Variants in EXOC6B observed in about 807,000 individuals in gnomAD.
EXOC6B encodes the protein SEC15 homolog B.
In EXOC6B, 54 loss-of-function variants were observed where a neutral mutation model predicts 113.5. The ratio of observed to expected loss-of-function variants is 0.48; its 90% CI spans 0.38 to 0.60. The LOEUF is 0.60. Ranked by LOEUF, EXOC6B falls within the 20% of genes least tolerant of loss-of-function variation. The probability of loss-of-function intolerance (pLI) is 0.00; values close to 1 mark genes in which losing one functional copy is unlikely to be tolerated. For synonymous variants in EXOC6B, 357 were observed against 339.0 expected (o/e 1.05, Z -0.58); for missense variants, 797 against 977.5 (o/e 0.82, Z 2.46).
chr2:72,487,770 G>A (rs1165979516), intron 16 of EXOC6B, among the ~76,000 whole-genome samples: 1 of 152,176 alleles, frequency 6.6e-6, no homozygotes. Flanking sequence ...TTTAGGGAGG[G>A]AGAACACAGA....
intron 20 of EXOC6B, among the ~76,000 whole-genome samples, chr2:72,242,676 A>C (rs1682389118): frequency 1.3e-5 from 2 of 152,232 alleles, no homozygotes; most frequent in Non-Finnish European, 2.9e-5. Flanking sequence ...AATGCCAATT[A>C]AAAGACAGAG....
chr2:72,512,693 G>A (rs1701004423), intron 11 of EXOC6B, among the ~76,000 whole-genome samples: 2 of 151,924 alleles, frequency 1.3e-5, no homozygotes, highest in Admixed American at 6.6e-5. Flanking sequence ...ATGGGCTCTA[G>A]AGTCAGACCA....
intron 1 of EXOC6B, among the ~76,000 whole-genome samples, chr2:72,786,089 G>T (rs1316349907): frequency 6.6e-6 from 1 of 152,134 alleles, no homozygotes; most frequent in African/African-American, 2.4e-5. Context: ...AAAAATTTAA[G>T]TAAGACATTC....
chr2:72,578,459 C>T (rs6546776), intron 6 of EXOC6B, among the ~76,000 whole-genome samples: 140,581 of 152,138 alleles, frequency 0.92, 65,042 homozygotes, highest in East Asian at 0.99. Flanking sequence ...TCCTTAGTTA[C>T]GCCATTTCTT....
intron 1 of EXOC6B, among the ~76,000 whole-genome samples, chr2:72,815,138 C>T (rs1257995824): frequency 6.6e-6 from 1 of 152,136 alleles, no homozygotes; most frequent in Non-Finnish European, 1.5e-5. Flanking sequence ...ACTCGTCATG[C>T]ATTTAAGCAA....
intron 18 of EXOC6B, among the ~76,000 whole-genome samples, chr2:72,389,778 T>A (rs1390677780): frequency 6.6e-6 from 1 of 152,228 alleles, no homozygotes; most frequent in African/African-American, 2.4e-5. Context: ...TCTCTGTATG[T>A]ACTATGTATT....
chr2:72,518,260 A>AT (rs1245973452), intron 8 of EXOC6B, among the ~76,000 whole-genome samples: 4 of 152,142 alleles, frequency 2.6e-5, no homozygotes, highest in Admixed American at 6.6e-5. Context: ...TAAAACTTGG[A>AT]TTTTTTCCTA....
intron 18 of EXOC6B, among the ~76,000 whole-genome samples, chr2:72,395,370 T>C (rs1264068014): frequency 1.3e-5 from 2 of 152,270 alleles, no homozygotes; most frequent in Non-Finnish European, 1.5e-5. Flanking sequence ...GTCAATACCC[T>C]AAATAAGAGC....
chr2:72,626,907 A>C (rs1048670212), intron 6 of EXOC6B, among the ~76,000 whole-genome samples: 5 of 152,172 alleles, frequency 3.3e-5, no homozygotes, highest in African/African-American at 9.6e-5. Flanking sequence ...CTGCTGCACA[A>C]TGATTTTAAT....
chr2:72,423,134 C>T (rs7603342), intron 18 of EXOC6B, among the ~76,000 whole-genome samples: 29,793 of 151,426 alleles, frequency 0.2, 5,278 homozygotes, highest in African/African-American at 0.48. Context: ...CCAGTGAGAC[C>T]ACGAGCCCAC....
intron 18 of EXOC6B, among the ~76,000 whole-genome samples, chr2:72,383,041 T>A (rs1691784780): frequency 6.6e-6 from 1 of 152,184 alleles, no homozygotes; most frequent in Non-Finnish European, 1.5e-5. Flanking sequence ...ATAAAAACTT[T>A]GGAAGATAAC....
At chr2:72,646,467 C>G (rs970107559) in intron 6 of EXOC6B, among the ~76,000 whole-genome samples, 4 of 152,110 alleles carry the variant, frequency 2.6e-5, no homozygotes, top group African/African-American at 9.7e-5. Context: ...CAGCATCATC[C>G]TGATACCAAA....
At chr2:72,260,735 G>A (rs191790767) in intron 20 of EXOC6B, among the ~76,000 whole-genome samples, 111 of 152,274 alleles carry the variant, frequency 7.3e-4, no homozygotes, top group African/African-American at 2.6e-3. Flanking sequence ...TCCTTGAAGG[G>A]ATGGTATGGG....
intron 20 of EXOC6B, among the ~76,000 whole-genome samples, chr2:72,264,472 G>A (rs936642447): frequency 2.0e-5 from 3 of 152,136 alleles, no homozygotes; most frequent in Admixed American, 6.6e-5. Context: ...TCGGGAGACT[G>A]AGGCAGGAGA....
At chr2:72,320,971 C>T (rs1687813907) in intron 20 of EXOC6B, among the ~76,000 whole-genome samples, 1 of 151,834 alleles carries the variant, frequency 6.6e-6, no homozygotes, top group Non-Finnish European at 1.5e-5. Flanking sequence ...CAAATAAGCA[C>T]AAAAACAGAT....
In EXOC6B at chr2:72,575,494, C is replaced by T; in HGVS notation, c.844G>A (p.Glu282Lys). Residue 282 changes from glutamate (E) to lysine (K), a missense_variant and splice_region_variant, in exon 7 of 22, where the codon GAG becomes AAG. Glu to Lys is a moderately conservative substitution (Grantham distance 56). Transcript: ENST00000272427. ...LDVEDEEDDE[E>K]VPGAQDLVDF... ...TCCCAACATCAAATGTTACTTACCT[C>T]TTCATCATCTTCCTCGTCTTCAACA... 6.2e-7 allele frequency: 1 copy of T among 1,604,766 alleles called. No homozygotes were observed.
intron 19 of EXOC6B, among the ~76,000 whole-genome samples, chr2:72,364,526 C>T (rs1199724108): frequency 6.6e-6 from 1 of 152,086 alleles, no homozygotes; most frequent in Non-Finnish European, 1.5e-5. Context: ...CTCTGGAACC[C>T]CTTTTACATG....
chr2:72,435,974 T>C (rs1695840347), intron 18 of EXOC6B, among the ~76,000 whole-genome samples: 1 of 152,226 alleles, frequency 6.6e-6, no homozygotes, highest in Non-Finnish European at 1.5e-5. Context: ...CATTAGTTGA[T>C]GCAGTTTCTT....
chr2:72,233,787 G>A (rs1308115375), intron 20 of EXOC6B, among the ~76,000 whole-genome samples: 2 of 152,188 alleles, frequency 1.3e-5, no homozygotes, highest in Non-Finnish European at 2.9e-5. Flanking sequence ...ACTTTGGCTG[G>A]CAGCCACAGC....
Sources: gnomAD v4.1 joint callset for allele counts (sites outside exome capture counted in the v4.1 genomes callset) on GRCh38, gnomAD v4.1.1 for gene constraint, MANE v1.5 for transcripts, NCBI Gene and HGNC (gene_info 2026-07-23, HGNC 2026-07-21) for gene names.